Variants in UBE2L3 observed in about 807,000 individuals in gnomAD.
The protein encoded by UBE2L3 is ubiquitin-conjugating enzyme E2 L3.
In UBE2L3, 1 loss-of-function variant was observed where a neutral mutation model predicts 17.8. The ratio of observed to expected loss-of-function variants is 0.06; its 90% CI spans 0.02 to 0.27. The LOEUF is 0.27. Ranked by LOEUF, UBE2L3 falls within the 10% of genes least tolerant of loss-of-function variation. UBE2L3 has a pLI of 1.00. For missense variants in UBE2L3, 40 were observed against 192.6 expected (o/e 0.21, Z 4.69); for synonymous variants, 44 against 68.5 (o/e 0.64, Z 1.76).
intron 1 of UBE2L3, among the ~76,000 whole-genome samples, chr22:21,588,087 C>CTGAG (rs1369716610): frequency 6.6e-6 from 1 of 152,190 alleles, no homozygotes; most frequent in Non-Finnish European, 1.5e-5. Context: ...ACCATCAGCC[C>CTGAG]TGAGCAGCTG....
At chr22:21,592,141 A>G (rs1236549423) in intron 1 of UBE2L3, among the ~76,000 whole-genome samples, 2 of 152,170 alleles carry the variant, frequency 1.3e-5, no homozygotes, top group African/African-American at 4.8e-5. Context: ...TGTTTATACA[A>G]CAATAACCCC....
intron 2 of UBE2L3, among the ~76,000 whole-genome samples, chr22:21,595,747 A>G (rs976460171): frequency 1.3e-5 from 2 of 152,162 alleles, no homozygotes; most frequent in African/African-American, 4.8e-5. Context: ...AAATTCAGTT[A>G]CATTTTGTGT....
intron 1 of UBE2L3, chr22:21,567,972 G>C (rs1472270399): frequency 1.5e-6 from 2 of 1,370,386 alleles, no homozygotes; most frequent in East Asian, 3.0e-5. Flanking sequence ...GCAAGGCCGC[G>C]CTGGGAGCCG....
In UBE2L3 at chr22:21,599,711, T is replaced by C. The variant is rs561061360; in HGVS notation, c.123+6755T>C. 2.0e-5 allele frequency among the ~76,000 whole-genome samples: 3 copies of C among 152,340 alleles called. No homozygotes were observed. The South Asian group carries it at 6.2e-4, about 32-fold the overall frequency. Reference sequence around the variant, plus strand: ...TTAAGGCCTTTGAGAGCACCATGTATGCACAGAGAACGTTCTTGGGCTGTG... The same window carrying C: ...TTAAGGCCTTTGAGAGCACCATGTACGCACAGAGAACGTTCTTGGGCTGTG... On this transcript the variant is annotated intron_variant, in intron 2 of 3. Transcript: ENST00000342192.
chr22:21,582,002 C>T (rs1355423333), intron 1 of UBE2L3, among the ~76,000 whole-genome samples: 1 of 150,976 alleles, frequency 6.6e-6, no homozygotes, highest in Non-Finnish European at 1.5e-5. Context: ...TGCCTGTAGT[C>T]CCAGCTACTC....
chr22:21,559,017 C>T (rs2148390560), intron 1 of UBE2L3, among the ~76,000 whole-genome samples: 2 of 151,854 alleles, frequency 1.3e-5, no homozygotes, highest in Admixed American at 1.3e-4. Flanking sequence ...GCTCACCAAG[C>T]TCCTACCCTC....
intron 2 of UBE2L3, among the ~76,000 whole-genome samples, chr22:21,596,607 C>T (rs1001757364): frequency 4.6e-5 from 7 of 152,028 alleles, no homozygotes; most frequent in Admixed American, 3.9e-4. Flanking sequence ...TATGCGATCT[C>T]GGCTCTCTGC....
intron 1 of UBE2L3, chr22:21,568,270 GAGA>G (rs1463650032): frequency 1.4e-5 from 14 of 986,328 alleles, no homozygotes; most frequent in African/African-American, 3.5e-5. Flanking sequence ...CTAGGAAAGA[GAGA>G]AGGAGGCCAG....
At chr22:21,609,375 TAA>T (rs1929353602) in intron 2 of UBE2L3, among the ~76,000 whole-genome samples, 1 of 152,164 alleles carries the variant, frequency 6.6e-6, no homozygotes, top group South Asian at 2.1e-4. Context: ...AATGGATAAA[TAA>T]ATTGTGGTAT....
chr22:21,574,406 C>T (rs547609246), intron 1 of UBE2L3, among the ~76,000 whole-genome samples: 1 of 152,236 alleles, frequency 6.6e-6, no homozygotes, highest in South Asian at 2.1e-4. Flanking sequence ...GAGTGCCTGG[C>T]ATATAGTAAG....
chr22:21,584,717 T>G (rs1196028303), intron 1 of UBE2L3, among the ~76,000 whole-genome samples: 2 of 150,250 alleles, frequency 1.3e-5, no homozygotes, highest in African/African-American at 2.4e-5. Flanking sequence ...CAGGAGCACT[T>G]TGGGAGGCCG....
At chr22:21,566,497 G>T (rs530277941), upstream of UBE2L3, among the ~76,000 whole-genome samples, 59 of 151,826 alleles carry the variant, frequency 3.9e-4, no homozygotes, top group Middle Eastern at 6.8e-3. Context: ...GAAGCAGGAG[G>T]ATCCCTTGAG....
chr22:21,586,269 A>G (rs1927928635), intron 1 of UBE2L3, among the ~76,000 whole-genome samples: 1 of 151,638 alleles, frequency 6.6e-6, no homozygotes, highest in Non-Finnish European at 1.5e-5. Flanking sequence ...TATTTATTTT[A>G]TTTTGTTGAG....
intron 1 of UBE2L3, 100 bp from the exon 2 acceptor site, chr22:21,592,761 G>A: frequency 6.4e-6 from 6 of 937,312 alleles, no homozygotes; most frequent in South Asian, 5.6e-5. Context: ...TTTGTCATTA[G>A]CATTTTTGGC....
rs192994466 is a variant in UBE2L3 at position 21,615,277 on chromosome 22, C to T, written c.310+4234C>T. Among the ~76,000 whole-genome samples the T allele has an allele frequency of 9.2e-5, 14 of 152,022 alleles. No individual in the cohort carries two copies. The East Asian group carries it at 1.7e-3, about 19-fold the overall frequency. On this transcript the variant is annotated intron_variant, in intron 3 of 3. Transcript: ENST00000342192. Reference sequence around the variant, plus strand: ...AACCTTGAAAATATGCTAAATGGGCCGGGCGCGGTGGCTCACGCCTGTAGT... The same window carrying T: ...AACCTTGAAAATATGCTAAATGGGCTGGGCGCGGTGGCTCACGCCTGTAGT...
At chr22:21,556,946 C>T (rs555366256) in intron 1 of UBE2L3, among the ~76,000 whole-genome samples, 5 of 152,246 alleles carry the variant, frequency 3.3e-5, no homozygotes, top group South Asian at 4.1e-4. Flanking sequence ...CCCAGCTACT[C>T]GGGAGGCTGA....
At chr22:21,567,151 C>A (rs1001591877), upstream of UBE2L3, among the ~76,000 whole-genome samples, 1 of 151,986 alleles carries the variant, frequency 6.6e-6, no homozygotes, top group Non-Finnish European at 1.5e-5. Context: ...TGTGAAGTAA[C>A]CTTGGTTATT....
chr22:21,599,408 C>G (rs991318610), intron 2 of UBE2L3, among the ~76,000 whole-genome samples: 1 of 152,038 alleles, frequency 6.6e-6, no homozygotes, highest in Non-Finnish European at 1.5e-5. Context: ...GAAAGAGTAT[C>G]CCCCTACATT....
intron 3 of UBE2L3, among the ~76,000 whole-genome samples, chr22:21,612,638 CTTTTCTTTTTTTT>C (rs1929550111): frequency 3.3e-5 from 2 of 60,522 alleles, no homozygotes; most frequent in Admixed American, 2.2e-4. Flanking sequence ...TTTTTCTTTT[CTTTTCTTTTTTTT>C]TTTTTTTTTT....
Sources: gnomAD v4.1 joint callset for allele counts (sites outside exome capture counted in the v4.1 genomes callset) on GRCh38, gnomAD v4.1.1 for gene constraint, MANE v1.5 for transcripts, NCBI Gene and HGNC (gene_info 2026-07-23, HGNC 2026-07-21) for gene names.